USP15: variants seen among roughly 807,000 people sequenced by gnomAD.
The protein encoded by USP15 is ubiquitin specific peptidase 15.
A neutral mutation model predicts 127.1 loss-of-function variants in USP15; 18 were observed. The observed-to-expected ratio is 0.14, with a 90% CI of 0.10 to 0.21. The LOEUF (loss-of-function observed/expected upper bound fraction) is 0.21, where lower values mean the gene tolerates loss of function less well. Among genes scored for constraint, USP15 ranks in the 10% least tolerant of loss-of-function variants. USP15 has a pLI of 1.00. For missense variants in USP15, 805 were observed against 1,159.9 expected (o/e 0.69, Z 4.44); for synonymous variants, 364 against 393.7 (o/e 0.92, Z 0.89).
At chr12:62,282,466 C>T (rs1263704340) in intron 1 of USP15, among the ~76,000 whole-genome samples, 1 of 152,188 alleles carries the variant, frequency 6.6e-6, no homozygotes, top group African/African-American at 2.4e-5. Context: ...AAATACCTTA[C>T]TGTACTGTAC....
At chr12:62,275,202 GT>G (rs141446095) in intron 1 of USP15, among the ~76,000 whole-genome samples, 2,940 of 152,148 alleles carry the variant, frequency 0.019, 39 homozygotes, top group Middle Eastern at 0.031. Flanking sequence ...GAAAATCCAA[GT>G]TGACATGGAC....
At chr12:62,353,513 T>C (rs933108204) in intron 7 of USP15, among the ~76,000 whole-genome samples, 1 of 152,002 alleles carries the variant, frequency 6.6e-6, no homozygotes, top group Non-Finnish European at 1.5e-5. Context: ...TTGGGCATAC[T>C]TTCCTGTGTG....
intron 2 of USP15, among the ~76,000 whole-genome samples, chr12:62,300,451 C>G (rs752555733): frequency 4.6e-5 from 7 of 152,070 alleles, no homozygotes. Context: ...GACAGAATGG[C>G]TGAAACAACT....
At chr12:62,343,141 T>A (rs2065697948) in intron 6 of USP15, among the ~76,000 whole-genome samples, 1 of 152,186 alleles carries the variant, frequency 6.6e-6, no homozygotes, top group Non-Finnish European at 1.5e-5. Flanking sequence ...AGAGAAGCAG[T>A]CTGGCCACAG....
chr12:62,371,083 C>CA (rs1440992051), intron 8 of USP15, among the ~76,000 whole-genome samples: 1 of 152,068 alleles, frequency 6.6e-6, no homozygotes, highest in Non-Finnish European at 1.5e-5. Flanking sequence ...TCTTCAAATC[C>CA]ATTGAATACA....
intron 8 of USP15, among the ~76,000 whole-genome samples, chr12:62,361,626 A>G (rs1023365618): frequency 2.0e-5 from 3 of 152,046 alleles, no homozygotes; most frequent in African/African-American, 7.2e-5. Context: ...AATTATTTCA[A>G]GGATTTTTTT....
chr12:62,342,437 G>T (rs549642084), intron 6 of USP15, among the ~76,000 whole-genome samples: 1 of 152,190 alleles, frequency 6.6e-6, no homozygotes, highest in African/African-American at 2.4e-5. Context: ...TCTCCATCCA[G>T]TTTTGTGCCC....
intron 8 of USP15, among the ~76,000 whole-genome samples, chr12:62,356,927 G>A (rs1267619543): frequency 6.6e-6 from 1 of 151,906 alleles, no homozygotes; most frequent in African/African-American, 2.4e-5. Context: ...TATGTAAATT[G>A]TGTTTATACC....
chr12:62,295,927 T>G (rs2064115666), intron 2 of USP15, among the ~76,000 whole-genome samples: 1 of 152,244 alleles, frequency 6.6e-6, no homozygotes, highest in African/African-American at 2.4e-5. Flanking sequence ...TGTGATTATG[T>G]TATGTGGCAA....
intron 2 of USP15, among the ~76,000 whole-genome samples, chr12:62,297,804 A>G (rs1430102912): frequency 6.6e-6 from 1 of 152,196 alleles, no homozygotes; most frequent in African/African-American, 2.4e-5. Context: ...GACACAAAAA[A>G]ACAAAATCTC....
intron 8 of USP15, among the ~76,000 whole-genome samples, chr12:62,356,569 T>C (rs1303415456): frequency 6.6e-6 from 1 of 151,974 alleles, no homozygotes; most frequent in African/African-American, 2.4e-5. Context: ...CGATTTCTGG[T>C]ATTTTGCTTT....
At chr12:62,271,616 A>T (rs1487170650) in intron 1 of USP15, among the ~76,000 whole-genome samples, 1 of 151,984 alleles carries the variant, frequency 6.6e-6, no homozygotes, top group Non-Finnish European at 1.5e-5. Context: ...TAGAAAAGTT[A>T]CACAGAGCTG....
At chr12:62,310,972 A>T (rs945134036) in intron 3 of USP15, among the ~76,000 whole-genome samples, 2 of 151,896 alleles carry the variant, frequency 1.3e-5, no homozygotes, top group African/African-American at 4.8e-5. Flanking sequence ...CATTTCTCTG[A>T]TGATTAGTGA....
chr12:62,359,251 A>AG (rs2066237159), intron 8 of USP15, among the ~76,000 whole-genome samples: 1 of 151,648 alleles, frequency 6.6e-6, no homozygotes, highest in Non-Finnish European at 1.5e-5. Flanking sequence ...AAAAAAAAAA[A>AG]AAAAGAAACA....
rs1275085292 is a variant in USP15 at position 62,405,058 on chromosome 12, A to G, written c.*683A>G. ...TAGATTTCATACTCCATCTAAAGTC[A>G]TTTTTCAGTTACATGTAAGTATTAT... On this transcript the variant is annotated 3_prime_UTR_variant, in exon 22 of 22. Coordinates refer to ENST00000280377, the MANE Select transcript of USP15 (RefSeq NM_001252078.2). The G allele has an allele frequency of 2.0e-5, 3 of 151,980 alleles. No homozygotes were observed. Among genetic ancestry groups the G allele is most frequent in the African/African-American group, 7.2e-5 (3 of 41,398 alleles). 9.4% of individuals were successfully genotyped at this position (151,980 alleles called of 1,614,324 possible). A position where few individuals can be genotyped will look rare whatever the true frequency, so the allele number is the denominator to read the frequency against.
chr12:62,388,157 G>T (rs1471857363), intron 11 of USP15, among the ~76,000 whole-genome samples: 2 of 137,810 alleles, frequency 1.5e-5, no homozygotes, highest in Non-Finnish European at 3.0e-5. Context: ...ATGAGACAGG[G>T]TCTTGCTCTG....
intron 7 of USP15, among the ~76,000 whole-genome samples, chr12:62,352,383 A>G (rs956938090): frequency 1.9e-4 from 29 of 151,942 alleles, no homozygotes; most frequent in Admixed American, 1.3e-4. Flanking sequence ...CCTCAGTTAT[A>G]ATTTAAGTAC....
At position 62,407,168 on chromosome 12, in the gene USP15, A is replaced by C. The variant is rs962049563; in HGVS notation, c.*2793A>C. The C allele has an allele frequency of 6.6e-6, 1 of 152,188 alleles. No homozygotes were observed. Among genetic ancestry groups the C allele is most frequent in the African/African-American group, 2.4e-5 (1 of 41,466 alleles). 9.4% of individuals were successfully genotyped at this position (152,188 alleles called of 1,614,324 possible). ...GACCAGGCACTATATTAAAGTGTTT[A>C]TATGCATTCTCTCATTTAATCCCAC... On this transcript the variant is annotated 3_prime_UTR_variant, in exon 22 of 22. Transcript: ENST00000280377.
At chr12:62,331,080 T>C (rs2065284089) in intron 6 of USP15, among the ~76,000 whole-genome samples, 1 of 152,092 alleles carries the variant, frequency 6.6e-6, no homozygotes, top group African/African-American at 2.4e-5. Context: ...CTCCTCAAAA[T>C]TCTCACATTT....
Sources: allele counts gnomAD v4.1 joint callset (sites outside exome capture counted in the v4.1 genomes callset), GRCh38; gene constraint gnomAD v4.1.1; transcripts MANE v1.5; gene names NCBI Gene and HGNC (gene_info 2026-07-23, HGNC 2026-07-21).